CRB1: variants seen among roughly 807,000 people sequenced by gnomAD.
The protein encoded by CRB1 is protein crumbs homolog 1.
Under a neutral mutation model 120.0 loss-of-function variants are expected in CRB1, and 83 were observed. The ratio of observed to expected loss-of-function variants is 0.69; its 90% CI spans 0.58 to 0.83. The LOEUF is 0.83. CRB1 is among the 40% of genes least tolerant of loss of function. The pLI, the probability that CRB1 is intolerant of heterozygous loss-of-function variation, is 0.00. For synonymous variants in CRB1, 625 were observed against 612.5 expected, an observed-to-expected ratio of 1.02 and a Z score of -0.30; for missense variants, 1,699 against 1,687.6, an observed-to-expected ratio of 1.01 and a Z score of -0.12.
intron 11 of CRB1, among the ~76,000 whole-genome samples, chr1:197,445,287 G>C (rs1328448166): frequency 6.6e-6 from 1 of 152,108 alleles, no homozygotes; most frequent in African/African-American, 2.4e-5. Context: ...ACTAAACAGG[G>C]CTATGTCTCT....
the CRB1 span, among the ~76,000 whole-genome samples, chr1:197,261,301 G>C: frequency 6.6e-6 from 1 of 152,162 alleles, no homozygotes; most frequent in Non-Finnish European, 1.5e-5. Context: ...GAACAAACGG[G>C]TGTGTAAAAT....
intron 1 of CRB1, among the ~76,000 whole-genome samples, chr1:197,300,422 G>T (rs1656797323): frequency 6.6e-6 from 1 of 151,926 alleles, no homozygotes; most frequent in African/African-American, 2.4e-5. Context: ...AGTTTGAGTG[G>T]TCTGGATAGA....
intron 5 of CRB1, among the ~76,000 whole-genome samples, chr1:197,399,623 T>C (rs753539502): frequency 5.3e-5 from 8 of 152,174 alleles, no homozygotes; most frequent in Non-Finnish European, 1.0e-4. Flanking sequence ...TAAAATAATG[T>C]CCATTTATTA....
At position 197,427,993 on chromosome 1, in the gene CRB1, A is replaced by G. The variant is rs138259621; in HGVS notation, c.2668A>G (p.Ser890Gly). The G allele has an allele frequency of 1.2e-5, 19 of 1,613,634 alleles. No homozygotes were observed. The African/African-American group carries it at 1.9e-4, about 16-fold the overall frequency. The change falls in exon 7 of 12, where the codon AGC (serine) becomes GGC (glycine). Residue 890 changes from serine to glycine, a missense_variant. Physicochemically the swap from Ser to Gly is moderately conservative, Grantham distance 56. Coordinates refer to ENST00000367400, the MANE Select transcript of CRB1 (RefSeq NM_201253.3). ...NVTQGCAGDN[S>G]CKSNPCHNGG... ...AACCCAAGGCTGTGCTGGAGACAAC[A>G]GCTGCAAGGTAATGATTACTCATAC...
intron 1 of CRB1, among the ~76,000 whole-genome samples, chr1:197,275,757 T>C (rs1655174012): frequency 6.6e-6 from 1 of 152,154 alleles, no homozygotes; most frequent in Admixed American, 6.6e-5. Flanking sequence ...TTTTTTAACC[T>C]ACTTTTTTTC....
chr1:197,245,195 AT>A, the CRB1 span, among the ~76,000 whole-genome samples: 1 of 152,070 alleles, frequency 6.6e-6, no homozygotes, highest in Non-Finnish European at 1.5e-5. Flanking sequence ...ATATCTCCTA[AT>A]GCTATCCCTC....
chr1:197,453,952 G>T (rs1294509847), intron 11 of CRB1, among the ~76,000 whole-genome samples: 12 of 120,016 alleles, frequency 1.0e-4, no homozygotes, highest in East Asian at 2.2e-4. Flanking sequence ...ATATATTATT[G>T]ATATTATTAT....
chr1:197,276,299 G>A lies in CRB1; in HGVS notation c.70+7817G>A, dbSNP rs191375329. Reference sequence around the variant, plus strand: ...ACCAAAAATTTTACTGGTTTTAGAGGCAACCAATGTAAAGTTAGTTGTCCC... The same window carrying A: ...ACCAAAAATTTTACTGGTTTTAGAGACAACCAATGTAAAGTTAGTTGTCCC... On this transcript the variant is annotated intron_variant, in intron 1 of 11. Transcript: ENST00000367400. Among the ~76,000 whole-genome samples the A allele has an allele frequency of 1.3e-3, 196 of 151,674 alleles. 3 individuals are homozygous for A. The South Asian group carries it at 0.019, about 15-fold the overall frequency.
intron 1 of CRB1, among the ~76,000 whole-genome samples, chr1:197,309,626 C>T (rs537014003): frequency 6.6e-5 from 10 of 152,002 alleles, no homozygotes; most frequent in East Asian, 1.9e-4. Context: ...TGGTGGCAGG[C>T]GCCTGTAGTC....
the CRB1 span, among the ~76,000 whole-genome samples, chr1:197,237,794 A>G: frequency 1.3e-5 from 2 of 152,100 alleles, no homozygotes; most frequent in African/African-American, 4.8e-5. Flanking sequence ...TTTATTGATT[A>G]TTTGAAAGGA....
At chr1:197,233,236 G>C in the CRB1 span, among the ~76,000 whole-genome samples, 115 of 152,232 alleles carry the variant, frequency 7.6e-4, 2 homozygotes, top group East Asian at 0.022. Flanking sequence ...TGATCCACTG[G>C]TCTGATCTCT....
At chr1:197,307,525 A>G (rs1468779647) in intron 1 of CRB1, among the ~76,000 whole-genome samples, 1 of 152,230 alleles carries the variant, frequency 6.6e-6, no homozygotes, top group East Asian at 1.9e-4. Context: ...AAAATTAGAG[A>G]AAATGCAGGA....
rs2359149 is a variant in CRB1 at position 197,356,722 on chromosome 1, C to T, written c.989-109C>T. 7.4e-5 allele frequency: 81 copies of T among 1,089,708 alleles called. No homozygotes were observed. In the South Asian group the frequency reaches 1.1e-3, roughly 14 times the overall value. The allele number at this position is 1,089,708 out of a possible 1,614,324, so 67.5% of individuals were successfully genotyped here. On this transcript the variant is annotated intron_variant, in intron 4 of 11. Transcript: ENST00000367400. ...CTTACCAGCTCCTTGAGGGCAGGCA[C>T]ATCAACTTGCTAAATCAATGCCAGT... is the stretch of plus-strand genomic sequence containing the variant.
intron 5 of CRB1, among the ~76,000 whole-genome samples, chr1:197,390,698 T>A (rs1173954739): frequency 2.0e-5 from 3 of 152,092 alleles, no homozygotes; most frequent in African/African-American, 4.8e-5. Context: ...TACAAAAAAA[T>A]TTTAAAGACG....
At chr1:197,431,606 C>A (rs1571548978) in intron 8 of CRB1, among the ~76,000 whole-genome samples, 1 of 152,098 alleles carries the variant, frequency 6.6e-6, no homozygotes, top group African/African-American at 2.4e-5. Flanking sequence ...ACAGTGGCAG[C>A]CCCAAAACAG....
At chr1:197,279,738 T>A (rs1450051105) in intron 1 of CRB1, among the ~76,000 whole-genome samples, 2 of 151,750 alleles carry the variant, frequency 1.3e-5, no homozygotes, top group African/African-American at 4.8e-5. Flanking sequence ...ATTGTGTCCA[T>A]GTAGAGGGAC....
At position 197,429,616 on chromosome 1, in the gene CRB1, T is replaced by C. The variant is rs2125489334; in HGVS notation, c.2842+2T>C. 6.2e-7 allele frequency: 1 copy of C among 1,613,810 alleles called. No individual in the cohort carries two copies. The highest frequency in any genetic ancestry group is 8.5e-7 in the Non-Finnish European group (1 of 1,179,790). On this transcript the variant is annotated splice_donor_variant, in intron 8 of 11. Coordinates refer to ENST00000367400, the MANE Select transcript of CRB1 (RefSeq NM_201253.3). LOFTEE classifies it high-confidence loss of function. ...AGCCGGTGCTTCAAGGATTTGAATG[T>C]AGGTAGAGTTCAAACCTACCATCTC...
At chr1:197,259,253 C>T in the CRB1 span, among the ~76,000 whole-genome samples, 1 of 152,146 alleles carries the variant, frequency 6.6e-6, no homozygotes, top group South Asian at 2.1e-4. Flanking sequence ...GTGCTATTCA[C>T]AATAGCAAAG....
At chr1:197,285,853 A>G (rs1447292791) in intron 1 of CRB1, among the ~76,000 whole-genome samples, 1 of 151,948 alleles carries the variant, frequency 6.6e-6, no homozygotes, top group African/African-American at 2.4e-5. Flanking sequence ...ATAGAGTTGA[A>G]ACATTCTCAA....
Sources: gnomAD v4.1 joint callset for allele counts (sites outside exome capture counted in the v4.1 genomes callset) on GRCh38, gnomAD v4.1.1 for gene constraint, MANE v1.5 for transcripts, NCBI Gene and HGNC (gene_info 2026-07-23, HGNC 2026-07-21) for gene names.